The following IARS2 variants were observed in gnomAD, a reference collection of about 807,000 sequenced individuals.
IARS2 encodes the protein isoleucine--tRNA ligase, mitochondrial.
In IARS2, 56 loss-of-function variants were observed where a neutral mutation model predicts 126.3. The ratio of observed to expected loss-of-function variants is 0.44; its 90% CI spans 0.36 to 0.55. The LOEUF (loss-of-function observed/expected upper bound fraction) is 0.55. IARS2 is among the 20% of genes least tolerant of loss of function. IARS2 has a pLI of 0.00. For synonymous variants in IARS2, 407 were observed against 441.1 expected, an observed-to-expected ratio of 0.92 and a Z score of 0.97; for missense variants, 1,127 against 1,245.9, an observed-to-expected ratio of 0.90 and a Z score of 1.44.
At chr1:220,147,245 C>T (rs1046247745) in intron 22 of IARS2, among the ~76,000 whole-genome samples, 4 of 152,142 alleles carry the variant, frequency 2.6e-5, no homozygotes, top group Admixed American at 1.3e-4. Flanking sequence ...ATGTAGAACT[C>T]GGTGACTTGG....
chr1:220,103,399 GCTTTT>G, intron 7 of IARS2, 43 bp from the exon 8 acceptor site: 1 of 1,086,744 alleles, frequency 9.2e-7, no homozygotes. Flanking sequence ...GATATCTGTG[GCTTTT>G]CTTGTTTCAT....
rs113797562 is a variant in IARS2 at position 220,145,814 on chromosome 1, G to A, written c.2896+161G>A. On this transcript the variant is annotated intron_variant, in intron 22 of 22. Transcript: ENST00000366922. Reference sequence around the variant, plus strand: ...AAACAATTGCCAAGTTTCTAAGCCCGCTCTTAAAACTATCTTACCTGATGA... The same window carrying A: ...AAACAATTGCCAAGTTTCTAAGCCCACTCTTAAAACTATCTTACCTGATGA... Among the ~76,000 whole-genome samples, 1,025 of 152,240 alleles carry A rather than the reference G, an allele frequency of 6.7e-3. 15 individuals carry two copies. The highest frequency in any genetic ancestry group is 0.022 in the African/African-American group (934 of 41,536).
In IARS2 at chr1:220,102,736, G is replaced by A; in HGVS notation, c.909G>A (p.Thr303=). 3.7e-6 allele frequency: 6 copies of A among 1,613,598 alleles called. No homozygotes were observed. Among genetic ancestry groups the A allele is most frequent in the Non-Finnish European group, 5.1e-6 (6 of 1,179,596 alleles). ...TGGTCTGGACCACACAACCTTGGAC[G>A]ATTCCAGCCAATGAAGCTGTTTGCT... ...SILVWTTQPW[T]IPANEAVCYM... is the part of the protein sequence containing the mutation. Residue 303 remains threonine (T), a synonymous_variant, in exon 7 of 23, where the codon ACG becomes ACA. Transcript: ENST00000366922.
rs1393795927 is a variant in IARS2 at position 220,138,016 on chromosome 1, C to T, written c.2148C>T (p.Leu716=). ...FTEVAIGPSV[L]NAARDDISKL... is the part of the protein sequence containing the mutation. ...AAGTTGCAATTGGCCCATCCGTGCT[C>T]AATGCTGCCAGAGATGATATTAGCA... is the stretch of plus-strand genomic sequence containing the variant. Residue 716 remains leucine (L), a synonymous_variant, in exon 17 of 23, where the codon CTC becomes CTT. Coordinates refer to ENST00000366922, the MANE Select transcript of IARS2 (RefSeq NM_018060.4). 4 of 1,613,916 alleles carry T rather than the reference C, an allele frequency of 2.5e-6. No homozygotes were observed. The highest frequency in any genetic ancestry group is 2.2e-5 in the East Asian group (1 of 44,884).
chr1:220,144,698 A>G (rs1234132059), intron 21 of IARS2, among the ~76,000 whole-genome samples: 1 of 152,180 alleles, frequency 6.6e-6, no homozygotes, highest in East Asian at 1.9e-4. Flanking sequence ...GAAAAGAAGA[A>G]CAGCTTGTTT....
intron 14 of IARS2, among the ~76,000 whole-genome samples, chr1:220,133,155 C>T (rs931581849): frequency 2.0e-5 from 3 of 151,908 alleles, no homozygotes; most frequent in African/African-American, 4.8e-5. Flanking sequence ...GGATTACAGG[C>T]GCCCACCACC....
chr1:220,136,319 A>G (rs1303411879), intron 15 of IARS2, among the ~76,000 whole-genome samples: 1 of 152,128 alleles, frequency 6.6e-6, no homozygotes, highest in Non-Finnish European at 1.5e-5. Flanking sequence ...TTTAGTGGAG[A>G]CAGGGTTTCA....
In IARS2 at chr1:220,125,220, T is replaced by C; in HGVS notation, c.1641-17T>C. 1 of 1,464,236 alleles carries C rather than the reference T, an allele frequency of 6.8e-7. No homozygotes were observed. The highest frequency in any genetic ancestry group is 9.5e-7 in the Non-Finnish European group (1 of 1,053,202). The allele number at this position is 1,464,236 out of a possible 1,614,324, so 90.7% of individuals were successfully genotyped here. A position where few individuals can be genotyped will look rare whatever the true frequency, so the allele number is the denominator to read the frequency against. On this transcript the variant is annotated splice_polypyrimidine_tract_variant and intron_variant, in intron 12 of 22. Coordinates refer to ENST00000366922, the MANE Select transcript of IARS2 (RefSeq NM_018060.4). The stretch of plus-strand genomic sequence containing the variant: ...AATAGTTAATTGAATAATTCTGCCA[T>C]GTCCCCCCTGAAATAGCCAAACCAC...
chr1:220,137,929 A>G lies in IARS2; in HGVS notation c.2061A>G (p.Lys687=). The G allele has an allele frequency of 6.2e-7, 1 of 1,614,098 alleles. No individual in the cohort carries two copies. The highest frequency in any genetic ancestry group is 1.1e-5 in the South Asian group (1 of 91,076). ...TTCTCAATGAAAAGGATCAAAGCAA[A>G]GAGCCTCCGTATGGTGCTGATGTCC... ...VVVNGGQDQS[K]EPPYGADVLR... The change falls in exon 17 of 23, where the codon AAA becomes AAG. Residue 687 remains lysine, a synonymous_variant. Transcript: ENST00000366922.
chr1:220,143,216 T>C, intron 21 of IARS2, 82 bp downstream of exon 21: 1 of 930,506 alleles, frequency 1.1e-6, no homozygotes, highest in South Asian at 2.2e-5. Context: ...TGTGTCTAAA[T>C]TAATCAAATA....
intron 10 of IARS2, among the ~76,000 whole-genome samples, chr1:220,108,856 CTTTTTTTTTTTT>C (rs35836043): frequency 1.2e-4 from 8 of 68,262 alleles, no homozygotes; most frequent in Admixed American, 9.3e-4. Flanking sequence ...TGTGAATCCT[CTTTTTTTTTTTT>C]TTTTTTTTTT....
At position 220,137,863 on chromosome 1, in the gene IARS2, C is replaced by T. The variant is rs1338403864; in HGVS notation, c.2050-55C>T. 1.4e-5 allele frequency: 22 copies of T among 1,596,658 alleles called. No individual in the cohort carries two copies. In the African/African-American group the frequency reaches 1.5e-4, roughly 11 times the overall value. Reference sequence around the variant, plus strand: ...AGGAGCTTTACCTAAAACATTTGTTCGGCTAATTGGAATTGAAAGCCATTG... The same window carrying T: ...AGGAGCTTTACCTAAAACATTTGTTTGGCTAATTGGAATTGAAAGCCATTG... On this transcript the variant is annotated intron_variant, in intron 16 of 22. Transcript: ENST00000366922.
chr1:220,106,280 A>G (rs946565216), intron 9 of IARS2, among the ~76,000 whole-genome samples: 8 of 152,194 alleles, frequency 5.3e-5, no homozygotes, highest in African/African-American at 1.9e-4. Flanking sequence ...AAGAATATAT[A>G]TCATGGGGCA....
chr1:220,144,736 T>C (rs920776784), intron 21 of IARS2, among the ~76,000 whole-genome samples: 2 of 152,196 alleles, frequency 1.3e-5, no homozygotes, highest in African/African-American at 2.4e-5. Context: ...AAAAATACTT[T>C]GGGATTTTCA....
intron 21 of IARS2, among the ~76,000 whole-genome samples, chr1:220,145,053 A>C (rs1657559589): frequency 6.6e-6 from 1 of 151,470 alleles, no homozygotes; most frequent in South Asian, 2.1e-4. Flanking sequence ...CTGTTGAGAT[A>C]GTATTTTAGC....
intron 19 of IARS2, among the ~76,000 whole-genome samples, chr1:220,141,143 A>T (rs1657485033): frequency 6.6e-6 from 1 of 152,228 alleles, no homozygotes; most frequent in Admixed American, 6.5e-5. Flanking sequence ...ATTGAGAAGG[A>T]AAAGCAATAA....
At chr1:220,136,745 C>T in intron 15 of IARS2, 64 bp from the exon 16 acceptor site, 2 of 798,120 alleles carry the variant, frequency 2.5e-6, no homozygotes, top group East Asian at 2.8e-5. Flanking sequence ...TTAAGCTGTA[C>T]CTAATCTTCA....
rs771481994 is a variant in IARS2 at position 220,131,461 on chromosome 1, C to T, written c.1838-2941C>T. Among the ~76,000 whole-genome samples the T allele has an allele frequency of 3.6e-4, 55 of 152,252 alleles. No homozygotes were observed. In the Middle Eastern group the frequency reaches 0.014, roughly 38 times the overall value. ...CCACCTCTCGGGTTCAAGCGATTCT[C>T]CTGCCTCAGCTTCCCAAGTAGCTGT... On this transcript the variant is annotated intron_variant, in intron 14 of 22. Transcript: ENST00000366922.
At chr1:220,101,966 G>A (rs1248833686) in intron 3 of IARS2, among the ~76,000 whole-genome samples, 163 bp from the exon 4 acceptor site, 1 of 152,138 alleles carries the variant, frequency 6.6e-6, no homozygotes, top group African/African-American at 2.4e-5. Flanking sequence ...CATGCCACTC[G>A]CGCCACTGCA....
Sources: gnomAD v4.1 joint callset for allele counts (sites outside exome capture counted in the v4.1 genomes callset) on GRCh38, gnomAD v4.1.1 for gene constraint, MANE v1.5 for transcripts, NCBI Gene and HGNC (gene_info 2026-07-23, HGNC 2026-07-21) for gene names.